CNTN5: variants seen among roughly 807,000 people sequenced by gnomAD.
The protein encoded by CNTN5 is contactin-5.
CNTN5 carries 77 observed loss-of-function variants against 129.1 expected under a neutral mutation model. That is an observed-to-expected ratio of 0.60 (90% CI 0.50 to 0.72). CNTN5 has a LOEUF of 0.72. CNTN5 is among the 30% of genes least tolerant of loss of function. The probability of loss-of-function intolerance (pLI) is 0.00; values close to 1 mark genes in which losing one functional copy is unlikely to be tolerated. For missense variants in CNTN5, 1,478 were observed against 1,328.8 expected (o/e 1.11, Z -1.75); for synonymous variants, 509 against 465.6 (o/e 1.09, Z -1.20).
intron 9 of CNTN5, among the ~76,000 whole-genome samples, chr11:100,006,297 T>C (rs1242212854): frequency 6.6e-6 from 1 of 152,154 alleles, no homozygotes; most frequent in African/African-American, 2.4e-5. Context: ...TGTGGCAATT[T>C]ATTAAAAGAA....
chr11:100,176,515 G>GTAAC (rs1322021282), intron 13 of CNTN5, among the ~76,000 whole-genome samples: 17 of 152,062 alleles, frequency 1.1e-4, no homozygotes, highest in African/African-American at 3.9e-4. Context: ...AAGGAAAAAT[G>GTAAC]TAACAAATGC....
intron 6 of CNTN5, among the ~76,000 whole-genome samples, chr11:99,859,016 A>G (rs1233986904): frequency 6.6e-6 from 1 of 152,138 alleles, no homozygotes; most frequent in Non-Finnish European, 1.5e-5. Flanking sequence ...GGAGGTAACC[A>G]ACTTGCTCAA....
At chr11:99,690,058 T>G (rs963674026) in intron 3 of CNTN5, among the ~76,000 whole-genome samples, 2 of 152,172 alleles carry the variant, frequency 1.3e-5, no homozygotes, top group Non-Finnish European at 2.9e-5. Context: ...TTTTATAGTT[T>G]TGGGTTTTAC....
At position 99,483,479 on chromosome 11, in the gene CNTN5, T is replaced by C. The variant is rs1193747147; in HGVS notation, c.-70-72666T>C. On this transcript the variant is annotated intron_variant, in intron 2 of 24. Coordinates refer to ENST00000524871, the MANE Select transcript of CNTN5 (RefSeq NM_014361.4). ...ATACCAGTTAAACTCCACGATTTTG[T>C]CTCTTAGTGCACATTCTTGAGCCCA... Among the ~76,000 whole-genome samples, 4 of 152,146 alleles carry C rather than the reference T, an allele frequency of 2.6e-5. No individual in the cohort carries two copies. The East Asian group carries it at 7.7e-4, about 29-fold the overall frequency.
chr11:100,286,210 G>T (rs1396325669), intron 18 of CNTN5, among the ~76,000 whole-genome samples: 1 of 152,226 alleles, frequency 6.6e-6, no homozygotes, highest in Non-Finnish European at 1.5e-5. Flanking sequence ...GGCTTGCTTA[G>T]GTAAACAAAG....
rs569637979 is a variant in CNTN5 at position 99,824,699 on chromosome 11, G to T, written c.277+4934G>T. Among the ~76,000 whole-genome samples, 4 of 151,732 alleles carry T rather than the reference G, an allele frequency of 2.6e-5. No individual in the cohort carries two copies. The South Asian group carries it at 8.3e-4, about 32-fold the overall frequency. On this transcript the variant is annotated intron_variant, in intron 4 of 24. Coordinates refer to ENST00000524871, the MANE Select transcript of CNTN5 (RefSeq NM_014361.4). Reference sequence around the variant, plus strand: ...TTATTTCCTTCCAAATTTAAATTTTGATTTTCATATTTAGGTGTTTAAACC... The same window carrying T: ...TTATTTCCTTCCAAATTTAAATTTTTATTTTCATATTTAGGTGTTTAAACC...
intron 2 of CNTN5, among the ~76,000 whole-genome samples, chr11:99,509,683 T>A (rs1010233482): frequency 2.6e-5 from 4 of 151,564 alleles, no homozygotes; most frequent in South Asian, 2.1e-4. Context: ...AACCTTTTAA[T>A]GAAAACAAAA....
chr11:100,086,464 A>G (rs1944560421), intron 13 of CNTN5, among the ~76,000 whole-genome samples: 1 of 150,256 alleles, frequency 6.7e-6, no homozygotes, highest in Non-Finnish European at 1.5e-5. Flanking sequence ...AAAAAAATAA[A>G]TATAATGAAA....
Position 99,254,169 on chromosome 11 carries a change from G to A in CNTN5, c.-209-71177G>A, listed in dbSNP as rs141579761. Among the ~76,000 whole-genome samples the A allele has an allele frequency of 1.5e-4, 23 of 151,882 alleles. No individual in the cohort carries two copies. In the East Asian group the frequency reaches 3.7e-3, roughly 24 times the overall value. On this transcript the variant is annotated intron_variant, in intron 1 of 24. Coordinates refer to ENST00000524871, the MANE Select transcript of CNTN5 (RefSeq NM_014361.4). ...TACAAAGAAAGAATTATGGTGGACT[G>A]GGGTGGTTGAACGTTACTTAATGGA...
intron 3 of CNTN5, among the ~76,000 whole-genome samples, chr11:99,753,747 G>A (rs1279067921): frequency 2.1e-5 from 3 of 141,692 alleles, no homozygotes; most frequent in Non-Finnish European, 4.5e-5. Flanking sequence ...TGGGTGCAGT[G>A]TCATGATCTC....
At chr11:99,179,913 TA>T (rs1251333564) in intron 1 of CNTN5, among the ~76,000 whole-genome samples, 1 of 152,242 alleles carries the variant, frequency 6.6e-6, no homozygotes, top group African/African-American at 2.4e-5. Context: ...CCACTATTTT[TA>T]TTCAGTTTGC....
intron 1 of CNTN5, among the ~76,000 whole-genome samples, chr11:99,269,742 C>T (rs1764508707): frequency 6.7e-6 from 1 of 148,342 alleles, no homozygotes; most frequent in African/African-American, 2.6e-5. Context: ...GATAAGTCAT[C>T]TATAATATTA....
intron 20 of CNTN5, 46 bp from the exon 21 acceptor site, chr11:100,308,313 A>T: frequency 6.4e-7 from 1 of 1,569,426 alleles, no homozygotes; most frequent in Non-Finnish European, 8.7e-7. Flanking sequence ...CAATACTTTG[A>T]TGGACATAAA....
At chr11:99,443,793 T>C (rs1477683715) in intron 2 of CNTN5, among the ~76,000 whole-genome samples, 1 of 152,188 alleles carries the variant, frequency 6.6e-6, no homozygotes, top group Non-Finnish European at 1.5e-5. Context: ...GTCATTAATT[T>C]TACCAGTCTG....
intron 3 of CNTN5, among the ~76,000 whole-genome samples, chr11:99,733,335 A>G (rs933880529): frequency 6.6e-6 from 1 of 151,292 alleles, no homozygotes; most frequent in Non-Finnish European, 1.5e-5. Flanking sequence ...AAAAAAAAAA[A>G]AAAGCCTTAA....
chr11:99,276,454 T>G, intron 1 of CNTN5, among the ~76,000 whole-genome samples: 1 of 151,810 alleles, frequency 6.6e-6, no homozygotes, highest in African/African-American at 2.4e-5. Context: ...TCCTGTAATT[T>G]TTTAAAATTT....
intron 17 of CNTN5, among the ~76,000 whole-genome samples, chr11:100,269,339 A>C (rs535451177): frequency 6.6e-6 from 1 of 152,260 alleles, no homozygotes; most frequent in East Asian, 1.9e-4. Context: ...ATGGAAGAAA[A>C]ATAATTGCAG....
chr11:99,523,611 GAATAGAAT>G (rs1947354999), intron 2 of CNTN5, among the ~76,000 whole-genome samples: 3 of 40,714 alleles, frequency 7.4e-5, no homozygotes, highest in African/African-American at 2.9e-4. Context: ...GAATAGAATA[GAATAGAAT>G]AGAATAGAAT....
At chr11:100,280,985 T>C (rs1950623037) in intron 18 of CNTN5, among the ~76,000 whole-genome samples, 1 of 152,138 alleles carries the variant, frequency 6.6e-6, no homozygotes. Flanking sequence ...ACATCTTAAA[T>C]TTAATCACCT....
Sources: gnomAD v4.1 joint callset for allele counts (sites outside exome capture counted in the v4.1 genomes callset) on GRCh38, gnomAD v4.1.1 for gene constraint, MANE v1.5 for transcripts, NCBI Gene and HGNC (gene_info 2026-07-23, HGNC 2026-07-21) for gene names.